Variants in LRRTM3 observed in about 807,000 individuals in gnomAD.
The protein encoded by LRRTM3 is leucine rich repeat transmembrane neuronal 3, also known as leucine-rich repeat transmembrane neuronal protein 3.
In LRRTM3, 24 loss-of-function variants were observed where a neutral mutation model predicts 44.7. That is an observed-to-expected ratio of 0.54 (90% CI 0.39 to 0.76). The LOEUF (loss-of-function observed/expected upper bound fraction) is 0.76. Ranked by LOEUF, LRRTM3 falls within the 30% of genes least tolerant of loss-of-function variation. LRRTM3 has a pLI of 0.00. For synonymous variants in LRRTM3, 277 were observed against 278.7 expected, an observed-to-expected ratio of 0.99 and a Z score of 0.06; for missense variants, 587 against 702.2, an observed-to-expected ratio of 0.84 and a Z score of 1.85.
At chr10:67,053,051 T>C (rs1855209456) in intron 2 of LRRTM3, among the ~76,000 whole-genome samples, 1 of 152,196 alleles carries the variant, frequency 6.6e-6, no homozygotes, top group Non-Finnish European at 1.5e-5. Flanking sequence ...CTATAACACA[T>C]ACAAAAGCTA....
At chr10:67,027,390 T>G (rs1180219058) in intron 2 of LRRTM3, among the ~76,000 whole-genome samples, 1 of 152,088 alleles carries the variant, frequency 6.6e-6, no homozygotes. Context: ...ATTAAATACC[T>G]ATATTTCTGT....
rs1367450301 is a variant in LRRTM3 at position 67,098,057 on chromosome 10, T to C, written c.*261T>C. ...TGAAAAATAAAAGAATCTTTTTTTT[T>C]CAAAACTCATCCTACCTACCTGTAA... On this transcript the variant is annotated 3_prime_UTR_variant, in exon 3 of 3. Coordinates refer to ENST00000361320, the MANE Select transcript of LRRTM3 (RefSeq NM_178011.5). 8 of 451,202 alleles carry C rather than the reference T, an allele frequency of 1.8e-5. No homozygotes were observed. Among genetic ancestry groups the C allele is most frequent in the Non-Finnish European group, 3.2e-5 (8 of 248,336 alleles). 27.9% of individuals were successfully genotyped at this position (451,202 alleles called of 1,614,324 possible). A position where few individuals can be genotyped will look rare whatever the true frequency, so the allele number is the denominator to read the frequency against.
chr10:66,969,362 C>T (rs556271314), intron 2 of LRRTM3, among the ~76,000 whole-genome samples: 100 of 151,956 alleles, frequency 6.6e-4, no homozygotes, highest in Non-Finnish European at 8.7e-4. Flanking sequence ...GTTTTAATGG[C>T]CTCATATCGT....
At chr10:67,020,660 G>A (rs1039291060) in intron 2 of LRRTM3, among the ~76,000 whole-genome samples, 1 of 152,122 alleles carries the variant, frequency 6.6e-6, no homozygotes, top group Non-Finnish European at 1.5e-5. Context: ...AAAATGGAAT[G>A]GAAAATTCAG....
intron 2 of LRRTM3, among the ~76,000 whole-genome samples, chr10:67,093,206 A>T (rs1458923538): frequency 7.2e-5 from 11 of 151,980 alleles, no homozygotes; most frequent in Admixed American, 3.9e-4. Context: ...GGAGAAGCAA[A>T]TGCCTTATTA....
chr10:66,927,807 T>C lies in LRRTM3; in HGVS notation c.891T>C (p.Ile297=). The C allele has an allele frequency of 6.2e-7, 1 of 1,614,196 alleles. No individual in the cohort carries two copies. The highest frequency in any genetic ancestry group is 1.3e-5 in the African/African-American group (1 of 75,042). ...AGCTCACATTTATTGGTCAAGAGAT[T>C]TTGGATTCTTGGATATCCCTCAATG... ...SNKLTFIGQE[I]LDSWISLNDI... Residue 297 remains isoleucine (I), a synonymous_variant, in exon 2 of 3, where the codon ATT becomes ATC. Transcript: ENST00000361320. This position sits in a 1 kb window ranked among gnomAD's most constrained non-coding sequence, Gnocchi z 4.7.
chr10:67,099,875 A>G lies in LRRTM3; in HGVS notation c.*2079A>G, dbSNP rs1378620037. 3.3e-5 allele frequency: 5 copies of G among 151,698 alleles called. No homozygotes were observed. Among genetic ancestry groups the G allele is most frequent in the Non-Finnish European group, 7.4e-5 (5 of 67,794 alleles). 9.4% of individuals were successfully genotyped at this position (151,698 alleles called of 1,614,324 possible). On this transcript the variant is annotated 3_prime_UTR_variant, in exon 3 of 3. Coordinates refer to ENST00000361320, the MANE Select transcript of LRRTM3 (RefSeq NM_178011.5). ...TCTTATTCTTAATTCTCTACATTGA[A>G]ATTTGGCTTTACGTCGTTAGCAAAT...
intron 2 of LRRTM3, among the ~76,000 whole-genome samples, chr10:67,082,025 A>G (rs1445345040): frequency 6.6e-6 from 1 of 152,232 alleles, no homozygotes. Flanking sequence ...ACAAAATAGG[A>G]GTACCTAGGC....
At chr10:67,078,066 T>G (rs1306413731) in intron 2 of LRRTM3, among the ~76,000 whole-genome samples, 1 of 152,206 alleles carries the variant, frequency 6.6e-6, no homozygotes, top group East Asian at 1.9e-4. Context: ...GGGTCATACT[T>G]GGACCAAGTC....
At chr10:67,030,059 C>T (rs1853624488) in intron 2 of LRRTM3, among the ~76,000 whole-genome samples, 1 of 152,170 alleles carries the variant, frequency 6.6e-6, no homozygotes, top group South Asian at 2.1e-4. Flanking sequence ...TTCTAAAAAA[C>T]AATCTTGTAA....
chr10:66,942,012 C>G (rs1168989297), intron 2 of LRRTM3, among the ~76,000 whole-genome samples: 2 of 152,068 alleles, frequency 1.3e-5, no homozygotes, highest in Admixed American at 6.6e-5. Context: ...TTAAATAAAC[C>G]TGGGGTGCAG....
At chr10:67,021,444 T>G (rs1326683874) in intron 2 of LRRTM3, among the ~76,000 whole-genome samples, 1 of 152,078 alleles carries the variant, frequency 6.6e-6, no homozygotes, top group East Asian at 1.9e-4. Flanking sequence ...AATATAAAAT[T>G]TTAAATACCG....
chr10:66,969,453 G>C (rs1474344229), intron 2 of LRRTM3, among the ~76,000 whole-genome samples: 1 of 152,078 alleles, frequency 6.6e-6, no homozygotes, highest in Non-Finnish European at 1.5e-5. Context: ...AAAAGTTGGG[G>C]AGAAAATTTT....
At chr10:67,094,755 T>C (rs575149904) in intron 2 of LRRTM3, among the ~76,000 whole-genome samples, 1 of 151,844 alleles carries the variant, frequency 6.6e-6, no homozygotes, top group East Asian at 1.9e-4. Flanking sequence ...AATAAAATTG[T>C]CAGTGCAAAA....
At chr10:66,986,167 T>C (rs1278844881) in intron 2 of LRRTM3, among the ~76,000 whole-genome samples, 1 of 152,198 alleles carries the variant, frequency 6.6e-6, no homozygotes, top group Admixed American at 6.5e-5. Context: ...AACCAGTGCC[T>C]GTATACTTTA....
intron 2 of LRRTM3, among the ~76,000 whole-genome samples, chr10:67,025,869 C>G (rs1853339638): frequency 6.6e-6 from 1 of 150,396 alleles, no homozygotes; most frequent in Non-Finnish European, 1.5e-5. Flanking sequence ...AAATGTCCAA[C>G]AATGATAGAC....
chr10:67,078,941 A>G (rs2131872091), intron 2 of LRRTM3, among the ~76,000 whole-genome samples: 1 of 152,350 alleles, frequency 6.6e-6, no homozygotes. Context: ...AGACCACTTC[A>G]TTTGATTATG....
chr10:67,020,786 G>A (rs971762330), intron 2 of LRRTM3, among the ~76,000 whole-genome samples: 4 of 152,194 alleles, frequency 2.6e-5, no homozygotes, highest in Admixed American at 6.5e-5. Flanking sequence ...GTAAGTTTCA[G>A]AAAGGTGTAG....
chr10:66,970,996 C>T (rs2132825636), intron 2 of LRRTM3, among the ~76,000 whole-genome samples: 1 of 152,242 alleles, frequency 6.6e-6, no homozygotes, highest in South Asian at 2.1e-4. Context: ...TTCTTCTTTT[C>T]ATGCAAGTTT....
Sources: allele counts gnomAD v4.1 joint callset (sites outside exome capture counted in the v4.1 genomes callset), GRCh38; gene constraint gnomAD v4.1.1; non-coding constraint Gnocchi (gnomAD v3.1); transcripts MANE v1.5; gene names NCBI Gene and HGNC (gene_info 2026-07-23, HGNC 2026-07-21).